PACS2: variants seen among roughly 807,000 people sequenced by gnomAD.
The protein encoded by PACS2 is phosphofurin acidic cluster sorting protein 2, also known as PACS1-like protein.
Under a neutral mutation model 113.0 loss-of-function variants are expected in PACS2, and 36 were observed. That is an observed-to-expected ratio of 0.32 (90% CI 0.24 to 0.42). The LOEUF (loss-of-function observed/expected upper bound fraction) is 0.42. Ranked by LOEUF, PACS2 falls within the 10% of genes least tolerant of loss-of-function variation. The pLI, the probability that PACS2 is intolerant of heterozygous loss-of-function variation, is 1.00. For synonymous variants in PACS2, 589 were observed against 536.1 expected (o/e 1.10, Z -1.36); for missense variants, 1,015 against 1,239.5 (o/e 0.82, Z 2.72).
chr14:105,332,413 G>C lies in PACS2; in HGVS notation c.120-16080G>C, dbSNP rs587594989. Among the ~76,000 whole-genome samples, 3 of 152,362 alleles carry C rather than the reference G, an allele frequency of 2.0e-5. No individual in the cohort carries two copies. The East Asian group carries it at 5.8e-4, about 29-fold the overall frequency. On this transcript the variant is annotated intron_variant, in intron 1 of 24. Transcript: ENST00000447393. The stretch of plus-strand genomic sequence containing the variant: ...ATATCAGTGGGGAGTGAGAGGAGCA[G>C]GTGGCCCCCTCGGCTGTGTTCAGGG...
intron 2 of PACS2, among the ~76,000 whole-genome samples, chr14:105,351,530 A>G (rs924301109): frequency 6.6e-6 from 1 of 152,164 alleles, no homozygotes; most frequent in Admixed American, 6.5e-5. Flanking sequence ...GTCAGGCCTG[A>G]TCATTCTTCT....
chr14:105,383,625 T>C, intron 16 of PACS2, 112 bp downstream of exon 16: 1 of 982,162 alleles, frequency 1.0e-6, no homozygotes, highest in Non-Finnish European at 1.5e-6. Context: ...CGTGGCGCGG[T>C]GTGTCGTGGT....
intron 3 of PACS2, among the ~76,000 whole-genome samples, chr14:105,353,206 C>A (rs1461093826): frequency 7.6e-6 from 1 of 130,892 alleles, no homozygotes; most frequent in African/African-American, 3.0e-5. Context: ...TCACTGTCCC[C>A]TGGGGTGATG....
rs11846567 is a variant in PACS2, at chr14:105,380,166, T to C, written c.1125+12T>C. 0.022 allele frequency: 34,066 copies of C among 1,548,888 alleles called. 6,045 individuals are homozygous for C. The African/African-American group carries it at 0.4, about 18-fold the overall frequency. Reference sequence around the variant, plus strand: ...ACACGGTGGCCCTCGTAAGCAGGCTTGGGCCGCACCCACCCGTTCCACACA... The same window carrying C: ...ACACGGTGGCCCTCGTAAGCAGGCTCGGGCCGCACCCACCCGTTCCACACA... On this transcript the variant is annotated intron_variant, in intron 11 of 24. Transcript: ENST00000447393.
In PACS2 at chr14:105,357,811, T is replaced by C. The variant is rs2060512990; in HGVS notation, c.423+2634T>C. 6.6e-6 allele frequency among the ~76,000 whole-genome samples: 1 copy of C among 151,704 alleles called. No individual in the cohort carries two copies. The highest frequency in any genetic ancestry group is 2.4e-5 in the African/African-American group (1 of 41,256). On this transcript the variant is annotated intron_variant, in intron 4 of 24. Coordinates refer to ENST00000447393, the MANE Select transcript of PACS2 (RefSeq NM_001100913.3). This position sits in a 1 kb window ranked among gnomAD's most constrained non-coding sequence, Gnocchi z 5.1. ...GGGGGTGAGGGCATGGGTGCTGCCA[T>C]AGGGACTGTCGTGAGAGTGGGGTGT...
Position 105,357,785 on chromosome 14 carries a change from C to T in PACS2, c.423+2608C>T, listed in dbSNP as rs982385219. Among the ~76,000 whole-genome samples the T allele has an allele frequency of 7.9e-5, 12 of 152,030 alleles. No homozygotes were observed. Among genetic ancestry groups the T allele is most frequent in the African/African-American group, 2.2e-4 (9 of 41,384 alleles). On this transcript the variant is annotated intron_variant, in intron 4 of 24. Transcript: ENST00000447393. This position sits in a 1 kb window ranked among gnomAD's most constrained non-coding sequence, Gnocchi z 5.1. ...TGGCTCCGAGACTGCACGCCTGAGACGGGGGTGAGGGCATGGGTGCTGCCA... is the reference window on the plus strand; with the variant it reads ...TGGCTCCGAGACTGCACGCCTGAGATGGGGGTGAGGGCATGGGTGCTGCCA...
chr14:105,319,133 A>T (rs989915830), intron 1 of PACS2, among the ~76,000 whole-genome samples: 1 of 150,552 alleles, frequency 6.6e-6, no homozygotes, highest in African/African-American at 2.5e-5. Context: ...TTTTTAGTAG[A>T]GACAGGGTTT....
In PACS2 at chr14:105,366,823, T is replaced by A. The variant is rs1187434255; in HGVS notation, c.424-390T>A. On this transcript the variant is annotated intron_variant, in intron 4 of 24. Transcript: ENST00000447393. This position sits in a 1 kb window ranked among gnomAD's most constrained non-coding sequence, Gnocchi z 4.3. ...TTGGAGCAGGGGGCCAGGATCTTCC[T>A]GGGTGGCACTGCATGGACAGCAGTC... is the stretch of plus-strand genomic sequence containing the variant. Among the ~76,000 whole-genome samples, 1 of 152,170 alleles carries A rather than the reference T, an allele frequency of 6.6e-6. No homozygotes were observed. Among genetic ancestry groups the A allele is most frequent in the East Asian group, 1.9e-4 (1 of 5,196 alleles).
Position 105,384,457 on chromosome 14 carries a change from A to G in PACS2, c.1885A>G (p.Ser629Gly), listed in dbSNP as rs1242333746. The G allele has an allele frequency of 1.9e-6, 3 of 1,606,048 alleles. No homozygotes were observed. The highest frequency in any genetic ancestry group is 2.6e-6 in the Non-Finnish European group (3 of 1,174,828). The stretch of plus-strand genomic sequence containing the variant: ...CCTGTTCAACAAGCTGGAGGCCCAG[A>G]GTGCGGGTGAGGCCCGGGCGCGTCC... ...RDLFNKLEAQSAVQDTPDIVS... is the reference protein window; with the variant it reads ...RDLFNKLEAQGAVQDTPDIVS... The change falls in exon 17 of 25, where the codon AGT (serine) becomes GGT (glycine). Residue 629 changes from serine to glycine, a missense_variant. Physicochemically the swap from Ser to Gly is moderately conservative, Grantham distance 56. Around this residue, in one of 3 missense-constraint regions of PACS2, gnomAD observed 859 missense variants for 1,056.8 expected, o/e 0.81. Coordinates refer to ENST00000447393, the MANE Select transcript of PACS2 (RefSeq NM_001100913.3).
Position 105,340,423 on chromosome 14 carries a change from C to T in PACS2, c.120-8070C>T, listed in dbSNP as rs1429390105. Among the ~76,000 whole-genome samples the T allele has an allele frequency of 6.6e-6, 1 of 152,172 alleles. No homozygotes were observed. Among genetic ancestry groups the T allele is most frequent in the Non-Finnish European group, 1.5e-5 (1 of 68,040 alleles). ...CCCCAACCTTTTTGCCGCCAGGGAC[C>T]GGTTTTGTGGAAGACAGTTTTTCCA... On this transcript the variant is annotated intron_variant, in intron 1 of 24. Coordinates refer to ENST00000447393, the MANE Select transcript of PACS2 (RefSeq NM_001100913.3). This position sits in a 1 kb window ranked among gnomAD's most constrained non-coding sequence, Gnocchi z 4.2.
chr14:105,303,748 A>C (rs1254030721), intron 1 of PACS2, among the ~76,000 whole-genome samples: 1 of 152,186 alleles, frequency 6.6e-6, no homozygotes, highest in African/African-American at 2.4e-5. Flanking sequence ...GTTATTAGGA[A>C]GTGTATTGTT....
intron 12 of PACS2, 33 bp from the exon 13 acceptor site, chr14:105,381,881 C>G (rs915298606): frequency 1.3e-6 from 2 of 1,535,022 alleles, no homozygotes; most frequent in Non-Finnish European, 1.8e-6. Context: ...TTCCTGCTGC[C>G]ACAGCCACTT....
intron 24 of PACS2, among the ~76,000 whole-genome samples, chr14:105,393,878 A>G (rs2141325210): frequency 6.6e-6 from 1 of 152,130 alleles, no homozygotes; most frequent in East Asian, 1.9e-4. Flanking sequence ...GGCGCGAGCC[A>G]CCGCACCTGG....
At chr14:105,345,788 GTC>G (rs1300748654) in intron 1 of PACS2, among the ~76,000 whole-genome samples, 2 of 152,166 alleles carry the variant, frequency 1.3e-5, no homozygotes, top group South Asian at 2.1e-4. Flanking sequence ...ACCTCTCTTA[GTC>G]TCTCTCCTCT....
At chr14:105,351,138 G>C (rs996934098) in intron 2 of PACS2, among the ~76,000 whole-genome samples, 1 of 152,202 alleles carries the variant, frequency 6.6e-6, no homozygotes, top group African/African-American at 2.4e-5. Flanking sequence ...TGTCCCGCGC[G>C]CCGGCCTCCG....
rs1555407434 is a variant in PACS2 at position 105,364,388 on chromosome 14, GTGGGCGGTGT to G, written c.424-2824_424-2815del. Among the ~76,000 whole-genome samples the G allele has an allele frequency of 7.9e-3, 1,033 of 131,328 alleles. 30 individuals carry two copies. The highest frequency in any genetic ancestry group is 0.031 in the African/African-American group (979 of 31,356). The allele number at this position is 131,328 out of a possible 152,430, so 86.2% of individuals were successfully genotyped here. ...GCACGGTGGGCGTCCCGGGTGCGCG[GTGGGCGGTGT>G]CCCGGGTGCGCGGTGGGCGGTGTCC... On this transcript the variant is annotated intron_variant, in intron 4 of 24. Coordinates refer to ENST00000447393, the MANE Select transcript of PACS2 (RefSeq NM_001100913.3).
intron 15 of PACS2, 33 bp downstream of exon 15, chr14:105,382,946 A>C: frequency 7.6e-7 from 1 of 1,309,956 alleles, no homozygotes; most frequent in Non-Finnish European, 1.1e-6. Flanking sequence ...CTCACCACCC[A>C]AGTACCCCTC....
chr14:105,362,213 T>C (rs760027248), intron 4 of PACS2, among the ~76,000 whole-genome samples: 3 of 149,428 alleles, frequency 2.0e-5, no homozygotes, highest in Admixed American at 6.7e-5. Context: ...GGTCAGGAGA[T>C]CAAGACCATC....
chr14:105,367,362 G>C lies in PACS2; in HGVS notation c.573G>C (p.Lys191Asn). ...ACAGCACCATGCAGGCCGGCCCCAA[G>C]GCCAAGTCCACGGGTGAGTGTGGTG... ...HEDSTMQAGP[K>N]AKSTDNYSEE... Residue 191 changes from lysine (K) to asparagine (N), a missense_variant, in exon 5 of 25, where the codon AAG becomes AAC. Lys to Asn is a moderately conservative substitution (Grantham distance 94). Around this residue, in one of 3 missense-constraint regions of PACS2, gnomAD observed 859 missense variants for 1,056.8 expected, o/e 0.81. Transcript: ENST00000447393. The C allele has an allele frequency of 6.2e-7, 1 of 1,613,268 alleles. No homozygotes were observed. Among genetic ancestry groups the C allele is most frequent in the Non-Finnish European group, 8.5e-7 (1 of 1,179,968 alleles).
Sources: gnomAD v4.1 joint callset for allele counts (sites outside exome capture counted in the v4.1 genomes callset) on GRCh38, gnomAD v4.1.1 for gene constraint, gnomAD v4.1.1 regional missense constraint, Gnocchi (gnomAD v3.1) non-coding constraint, MANE v1.5 for transcripts, NCBI Gene and HGNC (gene_info 2026-07-23, HGNC 2026-07-21) for gene names.